The following CELF2 variants were observed in gnomAD, a reference collection of about 807,000 sequenced individuals.
CELF2 encodes the protein CUG triplet repeat RNA-binding protein 2.
In CELF2, 8 loss-of-function variants were observed where a neutral mutation model predicts 62.6. The observed-to-expected ratio is 0.13, with a 90% CI of 0.07 to 0.23. The LOEUF is 0.23. Among genes scored for constraint, CELF2 ranks in the 10% least tolerant of loss-of-function variants. CELF2 has a pLI of 1.00. For missense variants in CELF2, 333 were observed against 671.0 expected, an observed-to-expected ratio of 0.50 and a Z score of 5.56; for synonymous variants, 258 against 250.0, an observed-to-expected ratio of 1.03 and a Z score of -0.30.
exon 1 of CELF2, chr10:10,798,697 C>T (rs775070898): frequency 3.8e-5 from 15 of 398,614 alleles, no homozygotes; most frequent in Admixed American, 2.2e-4. Flanking sequence ...CAGAATCCTC[C>T]GTCTGTTCCC....
chr10:10,770,218 T>A, the CELF2 span, among the ~76,000 whole-genome samples: 1,964 of 152,132 alleles, frequency 0.013, 43 homozygotes, highest in African/African-American at 0.045. Flanking sequence ...GTTTTGGATA[T>A]GTTAATATTG....
intron 2 of CELF2, among the ~76,000 whole-genome samples, chr10:11,183,025 T>C (rs1207483374): frequency 6.6e-6 from 1 of 152,230 alleles, no homozygotes; most frequent in African/African-American, 2.4e-5. Flanking sequence ...TAAAATTTGA[T>C]ACATCTTAAC....
At chr10:10,971,062 T>C (rs2050702232) in intron 2 of CELF2, among the ~76,000 whole-genome samples, 1 of 152,190 alleles carries the variant, frequency 6.6e-6, no homozygotes, top group Non-Finnish European at 1.5e-5. Flanking sequence ...TTGGGTGTAC[T>C]CTGTTTTTTA....
At chr10:10,716,244 C>G in the CELF2 span, among the ~76,000 whole-genome samples, 19 of 152,314 alleles carry the variant, frequency 1.2e-4, no homozygotes, top group East Asian at 3.7e-3. Flanking sequence ...TAAGTACTTA[C>G]TGTTTGTTAA....
chr10:11,050,636 T>C (rs2140024364), intron 1 of CELF2, among the ~76,000 whole-genome samples: 1 of 152,348 alleles, frequency 6.6e-6, no homozygotes, highest in Non-Finnish European at 1.5e-5. Context: ...CCTGTTTCCG[T>C]GATCTCCCAT....
chr10:11,055,741 C>T (rs996328373), intron 1 of CELF2, among the ~76,000 whole-genome samples: 1 of 152,236 alleles, frequency 6.6e-6, no homozygotes, highest in Non-Finnish European at 1.5e-5. Context: ...TCTGTAGGCC[C>T]AGTGCAAGTG....
chr10:11,181,286 C>T (rs1454448807), intron 2 of CELF2, among the ~76,000 whole-genome samples: 1 of 152,204 alleles, frequency 6.6e-6, no homozygotes, highest in Non-Finnish European at 1.5e-5. Flanking sequence ...ATCTCTCTGC[C>T]TGCTGTGCTT....
the CELF2 span, among the ~76,000 whole-genome samples, chr10:10,516,016 G>T: frequency 6.6e-6 from 1 of 152,164 alleles, no homozygotes; most frequent in Non-Finnish European, 1.5e-5. Context: ...GACTATGTCA[G>T]TGTACTACAA....
At chr10:10,880,599 A>G (rs1437938866) in intron 1 of CELF2, among the ~76,000 whole-genome samples, 1 of 152,162 alleles carries the variant, frequency 6.6e-6, no homozygotes, top group Non-Finnish European at 1.5e-5. Context: ...TGTTGAGCAT[A>G]TGGATTTTAC....
chr10:11,282,037 A>G (rs1225205233), intron 8 of CELF2, among the ~76,000 whole-genome samples: 2 of 151,776 alleles, frequency 1.3e-5, no homozygotes, highest in African/African-American at 4.8e-5. Context: ...GAGCAAGGCC[A>G]CTCCCAGTGG....
At position 11,333,511 on chromosome 10, in the gene CELF2, C is replaced by CTGTT. The variant is rs534195989; in HGVS notation, c.*4464_*4467dup. The CTGTT allele has an allele frequency of 3.5e-4, 53 of 151,974 alleles. No homozygotes were observed. Among genetic ancestry groups the CTGTT allele is most frequent in the African/African-American group, 8.2e-4 (34 of 41,350 alleles). 9.4% of individuals were successfully genotyped at this position (151,974 alleles called of 1,614,324 possible). On this transcript the variant is annotated 3_prime_UTR_variant, in exon 13 of 13. Coordinates refer to ENST00000633077, the MANE Select transcript of CELF2 (RefSeq NM_001326342.2). ...CTTGTGCTACTCTGGAATCATTTTA[C>CTGTT]TGTTTGTTTTTATTATCTTAAGTGC...
the CELF2 span, among the ~76,000 whole-genome samples, chr10:10,609,380 A>G: frequency 1.5e-5 from 2 of 134,294 alleles, no homozygotes; most frequent in East Asian, 5.1e-4. Flanking sequence ...TGAGGCCGGA[A>G]TAAGAGAATT....
At chr10:10,792,813 T>C in the CELF2 span, among the ~76,000 whole-genome samples, 1 of 152,158 alleles carries the variant, frequency 6.6e-6, no homozygotes, top group African/African-American at 2.4e-5. Flanking sequence ...CCCCCTACTG[T>C]ATGTACCAAA....
At chr10:11,120,509 C>G (rs1403895784) in intron 1 of CELF2, among the ~76,000 whole-genome samples, 5 of 152,172 alleles carry the variant, frequency 3.3e-5, no homozygotes, top group Non-Finnish European at 7.4e-5. Context: ...ATGCCAACAA[C>G]CCACACCATC....
intron 1 of CELF2, among the ~76,000 whole-genome samples, chr10:10,820,514 C>T (rs1384777583): frequency 6.6e-6 from 1 of 152,132 alleles, no homozygotes; most frequent in Non-Finnish European, 1.5e-5. Context: ...TGAGTATAAA[C>T]AGACATGGCC....
At position 11,165,537 on chromosome 10, in the gene CELF2, A is replaced by G. The variant is rs1156295799; in HGVS notation, c.126A>G (p.Pro42=). 3.7e-6 allele frequency: 6 copies of G among 1,614,198 alleles called. No homozygotes were observed. In the East Asian group the frequency reaches 8.9e-5, roughly 24 times the overall value. ...MNGALDHSDQ[P]DPDAIKMFVG... is the part of the protein sequence containing the mutation. ...GAGCTTTGGATCACTCAGACCAACCAGACCCAGATGCCATTAAGATGTTTG... is the reference window on the plus strand; with the variant it reads ...GAGCTTTGGATCACTCAGACCAACCGGACCCAGATGCCATTAAGATGTTTG... The change falls in exon 2 of 13, where the codon CCA becomes CCG. Residue 42 remains proline (P), a synonymous_variant. Transcript: ENST00000633077. The surrounding 1 kb of genome is among the most constrained non-coding windows in gnomAD (Gnocchi z 7.4).
At chr10:10,672,431 A>G in the CELF2 span, among the ~76,000 whole-genome samples, 2 of 148,642 alleles carry the variant, frequency 1.3e-5, no homozygotes, top group African/African-American at 4.9e-5. Context: ...TTTGCATTTA[A>G]GTCTGTGATC....
At chr10:11,283,049 C>A (rs1405550892) in intron 8 of CELF2, among the ~76,000 whole-genome samples, 1 of 152,218 alleles carries the variant, frequency 6.6e-6, no homozygotes, top group Non-Finnish European at 1.5e-5. Context: ...ACTATAGGCA[C>A]ACGCTACCAC....
chr10:11,196,833 C>T (rs926622192), intron 2 of CELF2, among the ~76,000 whole-genome samples: 3 of 151,248 alleles, frequency 2.0e-5, no homozygotes, highest in African/African-American at 7.3e-5. Context: ...GGCGCATGCG[C>T]TTGTAATCCC....
Sources: allele counts gnomAD v4.1 joint callset (sites outside exome capture counted in the v4.1 genomes callset), GRCh38; gene constraint gnomAD v4.1.1; non-coding constraint Gnocchi (gnomAD v3.1); transcripts MANE v1.5; gene names NCBI Gene and HGNC (gene_info 2026-07-23, HGNC 2026-07-21).